Variants in IL4R observed in about 807,000 individuals in gnomAD.
IL4R encodes the protein interleukin-4 receptor subunit alpha.
Under a neutral mutation model 41.5 loss-of-function variants are expected in IL4R, and 17 were observed. The observed-to-expected ratio is 0.41, with a 90% CI of 0.28 to 0.61. The LOEUF is 0.61. Ranked by LOEUF, IL4R falls within the 20% of genes least tolerant of loss-of-function variation. The pLI is 0.31. For synonymous variants in IL4R, 402 were observed against 422.9 expected, an observed-to-expected ratio of 0.95 and a Z score of 0.61; for missense variants, 974 against 1,043.1, an observed-to-expected ratio of 0.93 and a Z score of 0.91.
intron 4 of IL4R, among the ~76,000 whole-genome samples, chr16:27,344,228 C>T (rs1178954765): frequency 6.6e-6 from 1 of 151,668 alleles, no homozygotes; most frequent in Non-Finnish European, 1.5e-5. Flanking sequence ...TTGCTTGAGC[C>T]CAGGAGGTGG....
intron 1 of IL4R, among the ~76,000 whole-genome samples, chr16:27,323,803 G>GT (rs1010067212): frequency 3.5e-4 from 53 of 152,200 alleles, no homozygotes; most frequent in Non-Finnish European, 6.0e-4. Context: ...CTACAGGCAT[G>GT]TGCCACCATG....
rs543953408 is a variant in IL4R, at chr16:27,322,618, G to A, written c.-151-7448G>A. On this transcript the variant is annotated intron_variant, in intron 1 of 10. Transcript: ENST00000395762. ...CCAGCTACTTGGGAGGGCGAGGTGGGAGAATCACTTGAGACCAGGAATTCA... is the reference window on the plus strand; with the variant it reads ...CCAGCTACTTGGGAGGGCGAGGTGGAAGAATCACTTGAGACCAGGAATTCA... Among the ~76,000 whole-genome samples the A allele has an allele frequency of 8.9e-4, 136 of 152,236 alleles. 3 individuals are homozygous for A. In the South Asian group the frequency reaches 0.023, roughly 25 times the overall value.
At chr16:27,358,819 A>C (rs181183645) in intron 8 of IL4R, 97 bp from the exon 9 acceptor site, 1 of 879,244 alleles carries the variant, frequency 1.1e-6, no homozygotes. Context: ...CTGATCTCTG[A>C]TGCCAAATAA....
chr16:27,316,282 A>G (rs141196012), intron 1 of IL4R, among the ~76,000 whole-genome samples: 121 of 152,310 alleles, frequency 7.9e-4, no homozygotes, highest in African/African-American at 2.9e-3. Context: ...AGGTGGGAGG[A>G]TGGCTTGAGC....
At chr16:27,346,920 G>T (rs2085667682) in intron 6 of IL4R, among the ~76,000 whole-genome samples, 1 of 152,246 alleles carries the variant, frequency 6.6e-6, no homozygotes, top group African/African-American at 2.4e-5. Context: ...AGTGATCGTA[G>T]GTGGCACATT....
chr16:27,363,517 G>T lies in IL4R; in HGVS notation c.2165G>T (p.Gly722Val), dbSNP rs1361735236. The stretch of plus-strand genomic sequence containing the variant: ...TCAGCCCTTACCTGCCACCTGTGCG[G>T]CCACCTGAAACAGTGTCATGGCCAG... ...VYSALTCHLC[G>V]HLKQCHGQED... is the part of the protein sequence containing the mutation. The change falls in exon 11 of 11, where the codon GGC becomes GTC. Residue 722 changes from glycine to valine, a missense_variant. Physicochemically the swap from Gly to Val is moderately radical, Grantham distance 109. This residue lies in a region of IL4R where 682 missense variants were observed against 704.3 expected (regional missense o/e 0.97). Coordinates refer to ENST00000395762, the MANE Select transcript of IL4R (RefSeq NM_000418.4). 3 of 1,614,164 alleles carry T rather than the reference G, an allele frequency of 1.9e-6. No individual in the cohort carries two copies. Among genetic ancestry groups the T allele is most frequent in the Non-Finnish European group, 2.5e-6 (3 of 1,180,026 alleles).
chr16:27,359,018 C>G (rs1231524493), intron 9 of IL4R, 24 bp downstream of exon 9: 2 of 1,561,952 alleles, frequency 1.3e-6, no homozygotes, highest in Admixed American at 3.3e-5. Context: ...TGGATGAGGA[C>G]ATGTGGGACT....
chr16:27,313,856 C>A, upstream of IL4R: 1 of 915,544 alleles, frequency 1.1e-6, no homozygotes, highest in Non-Finnish European at 1.3e-6. Flanking sequence ...GGCGGGGCGG[C>A]GCATGCAAAT....
At chr16:27,337,683 G>A (rs1349021994) in intron 2 of IL4R, among the ~76,000 whole-genome samples, 4 of 150,892 alleles carry the variant, frequency 2.7e-5, no homozygotes, top group African/African-American at 7.3e-5. Context: ...AGGCTCAAGC[G>A]ATTTTCCTGC....
intron 7 of IL4R, chr16:27,355,327 G>C (rs1471255265): frequency 3.3e-6 from 1 of 300,094 alleles, no homozygotes; most frequent in African/African-American, 2.2e-5. Flanking sequence ...ACCGTGTTGA[G>C]ATGATGGCAG....
At chr16:27,351,253 T>C (rs2085860117) in intron 6 of IL4R, among the ~76,000 whole-genome samples, 2 of 152,216 alleles carry the variant, frequency 1.3e-5, no homozygotes, top group Non-Finnish European at 1.5e-5. Context: ...TTCCTTCCCA[T>C]GTGCCCTTTG....
rs192880681 is a variant in IL4R, at chr16:27,321,820, A to C, written c.-152+7800A>C. On this transcript the variant is annotated intron_variant, in intron 1 of 10. Coordinates refer to ENST00000395762, the MANE Select transcript of IL4R (RefSeq NM_000418.4). ...TTGGTTCCCATTTTAAGACTTATTT[A>C]ATTATATGCTTTTTAAATTTTTGAG... is the stretch of plus-strand genomic sequence containing the variant. Among the ~76,000 whole-genome samples the C allele has an allele frequency of 9.2e-5, 14 of 152,282 alleles. No homozygotes were observed. The East Asian group carries it at 2.5e-3, about 27-fold the overall frequency.
rs1361428940 is a variant in IL4R, at chr16:27,362,342, G to A, written c.990G>A (p.Glu330=). ...RDEDPHKAAK[E]MPFQGSGKSA... Reference sequence around the variant, plus strand: ...AAGATCCTCACAAGGCTGCCAAAGAGATGCCTTTCCAGGGCTCTGGAAAAT... The same window carrying A: ...AAGATCCTCACAAGGCTGCCAAAGAAATGCCTTTCCAGGGCTCTGGAAAAT... Residue 330 remains glutamate, a synonymous_variant, in exon 11 of 11, where the codon GAG becomes GAA. Coordinates refer to ENST00000395762, the MANE Select transcript of IL4R (RefSeq NM_000418.4). 3.7e-6 allele frequency: 6 copies of A among 1,614,106 alleles called. No homozygotes were observed. The highest frequency in any genetic ancestry group is 2.2e-5 in the East Asian group (1 of 44,894).
intron 6 of IL4R, among the ~76,000 whole-genome samples, chr16:27,351,256 G>A (rs1384059523): frequency 1.3e-5 from 2 of 152,118 alleles, no homozygotes; most frequent in Non-Finnish European, 2.9e-5. Context: ...CTTCCCATGT[G>A]CCCTTTGCAA....
chr16:27,355,545 T>G, intron 7 of IL4R: 1 of 428,982 alleles, frequency 2.3e-6, no homozygotes, highest in South Asian at 2.3e-5. Context: ...ACTTCTGTGC[T>G]TCCGGAAAGA....
intron 1 of IL4R, among the ~76,000 whole-genome samples, chr16:27,317,500 GA>G: frequency 6.6e-6 from 1 of 152,186 alleles, no homozygotes. Flanking sequence ...GAGAGGCCAG[GA>G]GCTTGTCTGG....
intron 6 of IL4R, among the ~76,000 whole-genome samples, chr16:27,351,467 T>C (rs1489078986): frequency 6.6e-6 from 1 of 151,512 alleles, no homozygotes; most frequent in Non-Finnish European, 1.5e-5. Context: ...CGGGGCCATC[T>C]TAGGTTTGTC....
rs138840014 is a variant in IL4R, at chr16:27,362,660, G to A, written c.1308G>A (p.Ser436=). The change falls in exon 11 of 11, where the codon TCG becomes TCA. Residue 436 remains serine, a synonymous_variant. Transcript: ENST00000395762. The part of the protein sequence containing the change: ...DMGESCLLPP[S]GSTSAHMPWD... ...GGGAGTCATGCCTTCTTCCACCTTC[G>A]GGAAGTACGAGTGCTCACATGCCCT... is the stretch of plus-strand genomic sequence containing the variant. 2.8e-5 allele frequency: 45 copies of A among 1,613,944 alleles called. No homozygotes were observed. The highest frequency in any genetic ancestry group is 4.0e-5 in the African/African-American group (3 of 74,884).
At chr16:27,348,855 G>A (rs2085763158) in intron 6 of IL4R, among the ~76,000 whole-genome samples, 1 of 152,230 alleles carries the variant, frequency 6.6e-6, no homozygotes. Flanking sequence ...AACTGGGGAA[G>A]AGGAAGCAGG....
Sources: gnomAD v4.1 joint callset for allele counts (sites outside exome capture counted in the v4.1 genomes callset) on GRCh38, gnomAD v4.1.1 for gene constraint, gnomAD v4.1.1 regional missense constraint, MANE v1.5 for transcripts, NCBI Gene and HGNC (gene_info 2026-07-23, HGNC 2026-07-21) for gene names.